MED21: variants seen among roughly 807,000 people sequenced by gnomAD.
The protein encoded by MED21 is mediator of RNA polymerase II transcription subunit 21.
MED21 carries 9 observed loss-of-function variants against 18.2 expected under a neutral mutation model. The observed-to-expected ratio is 0.49, with a 90% confidence interval of 0.30 to 0.86. The LOEUF is 0.86. MED21 is among the 40% of genes least tolerant of loss of function. The pLI is 0.07. For missense variants in MED21, 150 were observed against 170.9 expected (o/e 0.88, Z 0.68); for synonymous variants, 73 against 60.5 (o/e 1.21, Z -0.96).
intron 1 of MED21, among the ~76,000 whole-genome samples, chr12:27,023,656 A>T (rs763002744): frequency 6.6e-6 from 1 of 152,078 alleles, no homozygotes; most frequent in African/African-American, 2.4e-5. Context: ...CAAGTCTAGT[A>T]AGTAGCTCCC....
Position 27,028,278 on chromosome 12 carries a change from T to C in MED21, c.259-7T>C. On this transcript the variant is annotated splice_polypyrimidine_tract_variant and splice_region_variant and intron_variant, in intron 3 of 3. Coordinates refer to ENST00000282892, the MANE Select transcript of MED21 (RefSeq NM_004264.5). The stretch of plus-strand genomic sequence containing the variant: ...TCTAAAGATTTTAAAATTTGTGTCT[T>C]ATAAAGGCTGCTAGCTTGTATAAGC... The C allele has an allele frequency of 5.6e-6, 9 of 1,602,542 alleles. No homozygotes were observed. Among genetic ancestry groups the C allele is most frequent in the Non-Finnish European group, 7.7e-6 (9 of 1,173,744 alleles).
At chr12:27,027,486 A>G (rs766105732) in intron 3 of MED21, 39 bp downstream of exon 3, 6 of 1,482,886 alleles carry the variant, frequency 4.0e-6, no homozygotes, top group Non-Finnish European at 5.6e-6. Context: ...CCAGTAATAG[A>G]GAATTTTGAA....
In MED21 at chr12:27,028,619, C is replaced by G; in HGVS notation, c.*158C>G. 3 of 1,296,552 alleles carry G rather than the reference C, an allele frequency of 2.3e-6. No individual in the cohort carries two copies. The highest frequency in any genetic ancestry group is 2.1e-4 in the Middle Eastern group (1 of 4,708). The allele number at this position is 1,296,552 out of a possible 1,614,324, so 80.3% of individuals were successfully genotyped here. On this transcript the variant is annotated 3_prime_UTR_variant, in exon 4 of 4. Transcript: ENST00000282892. Reference sequence around the variant, plus strand: ...TTTTTAATAGTCTTCTATTTTCACTCTTGATAAGCTTATAAAATCATGATT... The same window carrying G: ...TTTTTAATAGTCTTCTATTTTCACTGTTGATAAGCTTATAAAATCATGATT...
At chr12:27,038,708 G>A (rs1442936291) in intron 2 of MED21, 1 of 152,218 alleles carries the variant, frequency 6.6e-6, no homozygotes, top group Admixed American at 6.5e-5. Flanking sequence ...GACAGATGAT[G>A]TTGCAGTCCC....
At chr12:27,035,514 T>G (rs963646397), downstream of MED21, among the ~76,000 whole-genome samples, 2 of 151,188 alleles carry the variant, frequency 1.3e-5, no homozygotes, top group African/African-American at 4.9e-5. Flanking sequence ...TGTATACATG[T>G]GCCATGCTGG....
At chr12:27,022,883 A>G (rs1250598276) in intron 1 of MED21, 8 of 1,402,114 alleles carry the variant, frequency 5.7e-6, no homozygotes, top group Non-Finnish European at 6.6e-6. Flanking sequence ...TGAGGCCGCC[A>G]GGACTTGTGG....
At chr12:27,031,895 G>A (rs1941621762), downstream of MED21, among the ~76,000 whole-genome samples, 1 of 152,120 alleles carries the variant, frequency 6.6e-6, no homozygotes, top group African/African-American at 2.4e-5. Context: ...GTCCAGGTCA[G>A]CCAAGGCGTG....
At chr12:27,033,205 T>C (rs1431479758), downstream of MED21, among the ~76,000 whole-genome samples, 1 of 152,114 alleles carries the variant, frequency 6.6e-6, no homozygotes, top group Non-Finnish European at 1.5e-5. Context: ...GCTGATAGCT[T>C]ATAGACAATA....
chr12:27,034,641 G>T (rs1256412419), downstream of MED21, among the ~76,000 whole-genome samples: 3 of 151,928 alleles, frequency 2.0e-5, no homozygotes, highest in Admixed American at 2.0e-4. Flanking sequence ...GGGTTTTGCA[G>T]TGTTGCCCAG....
At chr12:27,022,881 C>T (rs1036571728) in intron 1 of MED21, 2 of 1,404,604 alleles carry the variant, frequency 1.4e-6, no homozygotes, top group South Asian at 2.5e-5. Context: ...GGTGAGGCCG[C>T]CAGGACTTGT....
intron 2 of MED21, chr12:27,038,648 CA>C (rs1378743823): frequency 6.6e-6 from 1 of 152,192 alleles, no homozygotes; most frequent in Admixed American, 6.5e-5. Flanking sequence ...ACCAGTCTCT[CA>C]ATAGGGAGAT....
intron 1 of MED21, among the ~76,000 whole-genome samples, chr12:27,023,496 C>A (rs1032877755): frequency 6.6e-6 from 1 of 151,904 alleles, no homozygotes; most frequent in Admixed American, 6.6e-5. Context: ...GGGGTTTCAC[C>A]ATGTTGTCCA....
At chr12:27,024,523 C>T (rs1941519223) in intron 1 of MED21, among the ~76,000 whole-genome samples, 1 of 152,172 alleles carries the variant, frequency 6.6e-6, no homozygotes, top group Non-Finnish European at 1.5e-5. Context: ...GGGAACTACT[C>T]CTTTGAGGTT....
At chr12:27,028,221 A>G (rs905582612) in intron 3 of MED21, 64 bp from the exon 4 acceptor site, 13 of 1,452,270 alleles carry the variant, frequency 9.0e-6, no homozygotes, top group Middle Eastern at 1.9e-4. Context: ...ATTTAAAAAT[A>G]AGTACATCTG....
downstream of MED21, among the ~76,000 whole-genome samples, chr12:27,035,555 A>G (rs1307152558): frequency 1.3e-5 from 2 of 148,660 alleles, no homozygotes; most frequent in East Asian, 4.0e-4. Context: ...GTCATTTAGC[A>G]TTAGGTATAT....
At chr12:27,038,615 G>A (rs1388362192) in intron 2 of MED21, 1 of 152,208 alleles carries the variant, frequency 6.6e-6, no homozygotes. Context: ...AATAATTTGT[G>A]CAGGGATAGA....
downstream of MED21, chr12:27,030,771 C>T (rs1941610867): frequency 6.6e-6 from 1 of 152,212 alleles, no homozygotes; most frequent in African/African-American, 2.4e-5. Flanking sequence ...CTAAAGATTT[C>T]TGTGGGTGAA....
chr12:27,035,119 T>C (rs1941641254), downstream of MED21, among the ~76,000 whole-genome samples: 1 of 152,114 alleles, frequency 6.6e-6, no homozygotes, highest in African/African-American at 2.4e-5. Flanking sequence ...GTTGGGAGGA[T>C]CGCTTAAGCC....
intron 1 of MED21, among the ~76,000 whole-genome samples, chr12:27,024,295 T>C (rs2136482400): frequency 6.6e-6 from 1 of 151,610 alleles, no homozygotes; most frequent in East Asian, 1.9e-4. Flanking sequence ...CCTTGCCAGT[T>C]TTTTTTTTCC....
Sources: allele counts gnomAD v4.1 joint callset (sites outside exome capture counted in the v4.1 genomes callset), GRCh38; gene constraint gnomAD v4.1.1; transcripts MANE v1.5; gene names NCBI Gene and HGNC (gene_info 2026-07-23, HGNC 2026-07-21).